Variants in GPA33 observed in about 807,000 individuals in gnomAD.
GPA33 encodes the protein cell surface A33 antigen.
Under a neutral mutation model 35.6 loss-of-function variants are expected in GPA33, and 27 were observed. That is an observed-to-expected ratio of 0.76 (90% CI 0.56 to 1.04). The LOEUF is 1.04. GPA33 is among the 50% of genes least tolerant of loss of function. GPA33 has a pLI of 0.00. For missense variants in GPA33, 428 were observed against 411.9 expected (o/e 1.04, Z -0.34); for synonymous variants, 176 against 164.0 (o/e 1.07, Z -0.56).
chr1:167,085,706 C>A (rs866025858), intron 1 of GPA33, among the ~76,000 whole-genome samples: 2 of 152,196 alleles, frequency 1.3e-5, no homozygotes, highest in South Asian at 2.1e-4. Context: ...GAATGCATAC[C>A]ATTGAGCCCC....
At chr1:167,056,918 T>A (rs1199979084) in intron 4 of GPA33, among the ~76,000 whole-genome samples, 18 of 130,028 alleles carry the variant, frequency 1.4e-4, no homozygotes, top group South Asian at 2.6e-4. Flanking sequence ...GTGGTGTGTG[T>A]GGTGTGTACT....
chr1:167,080,285 G>A (rs1254945197), intron 1 of GPA33, among the ~76,000 whole-genome samples: 1 of 152,172 alleles, frequency 6.6e-6, no homozygotes, highest in African/African-American at 2.4e-5. Context: ...AACTAATAAT[G>A]TATCAATGTG....
intron 4 of GPA33, among the ~76,000 whole-genome samples, chr1:167,060,466 A>G (rs1666413911): frequency 6.6e-6 from 1 of 152,230 alleles, no homozygotes; most frequent in African/African-American, 2.4e-5. Flanking sequence ...TCCAGATGCC[A>G]GGGCATGTTG....
At chr1:167,083,500 C>G (rs1666993726) in intron 1 of GPA33, among the ~76,000 whole-genome samples, 1 of 152,180 alleles carries the variant, frequency 6.6e-6, no homozygotes, top group African/African-American at 2.4e-5. Context: ...GGCACTATGC[C>G]AGACTCTGGG....
At chr1:167,062,170 T>C (rs1666468091) in intron 4 of GPA33, among the ~76,000 whole-genome samples, 1 of 151,720 alleles carries the variant, frequency 6.6e-6, no homozygotes, top group South Asian at 2.1e-4. Context: ...AAAAATATTT[T>C]ATTTATTTTA....
At chr1:167,055,925 C>A in intron 4 of GPA33, 76 bp from the exon 5 acceptor site, 1 of 1,505,128 alleles carries the variant, frequency 6.6e-7, no homozygotes, top group South Asian at 1.1e-5. Context: ...GAGGTCTGGA[C>A]TCCTTGGGAA....
intron 4 of GPA33, among the ~76,000 whole-genome samples, chr1:167,062,968 C>G (rs1469375434): frequency 6.6e-6 from 1 of 152,182 alleles, no homozygotes; most frequent in Non-Finnish European, 1.5e-5. Flanking sequence ...AATTAAAATC[C>G]TACCCATGCT....
intron 3 of GPA33, among the ~76,000 whole-genome samples, chr1:167,068,569 A>G (rs1286192768): frequency 2.0e-5 from 3 of 152,224 alleles, no homozygotes; most frequent in Admixed American, 6.5e-5. Context: ...TGAGCACCCA[A>G]TTAAGGCACA....
intron 3 of GPA33, 98 bp downstream of exon 3, chr1:167,068,824 G>T: frequency 1.2e-6 from 1 of 825,630 alleles, no homozygotes; most frequent in Non-Finnish European, 2.0e-6. Context: ...GCTCCTTGTT[G>T]CTGCCTCTGG....
chr1:167,080,710 T>G (rs2102200054), intron 1 of GPA33, among the ~76,000 whole-genome samples: 1 of 152,346 alleles, frequency 6.6e-6, no homozygotes, highest in East Asian at 1.9e-4. Flanking sequence ...AAAGTGCATA[T>G]CCTTTACCCT....
intron 1 of GPA33, among the ~76,000 whole-genome samples, chr1:167,075,854 G>T (rs115825699): frequency 6.6e-6 from 1 of 152,230 alleles, no homozygotes; most frequent in Non-Finnish European, 1.5e-5. Context: ...GAGACAGGAA[G>T]AGAACCAAGA....
chr1:167,061,735 T>C (rs1179469705), intron 4 of GPA33, among the ~76,000 whole-genome samples: 1 of 152,040 alleles, frequency 6.6e-6, no homozygotes, highest in Non-Finnish European at 1.5e-5. Context: ...CCGGAGTAGC[T>C]GGGACTACAG....
Position 167,053,845 on chromosome 1 carries a change from G to GC in GPA33, c.*488dup, listed in dbSNP as rs35471899. 58,534 of 155,020 alleles carry GC rather than the reference G, an allele frequency of 0.38. 12,022 individuals carry two copies. Among genetic ancestry groups the GC allele is most frequent in the South Asian group, 0.57 (2,869 of 5,028 alleles). 9.6% of individuals were successfully genotyped at this position (155,020 alleles called of 1,614,324 possible). On this transcript the variant is annotated 3_prime_UTR_variant, in exon 7 of 7. Transcript: ENST00000367868. ...GAGCTGGAGGCCAGGCCAATGCAGG[G>GC]CCCAAGCATACTCACTTATTCTTTC...
At chr1:167,065,075 G>T (rs530120069) in intron 3 of GPA33, among the ~76,000 whole-genome samples, 2 of 152,196 alleles carry the variant, frequency 1.3e-5, no homozygotes, top group Non-Finnish European at 1.5e-5. Context: ...GTGGAGCTGG[G>T]TTCATTCTAC....
chr1:167,062,026 ATCT>A (rs1307830170), intron 4 of GPA33, among the ~76,000 whole-genome samples: 2 of 151,718 alleles, frequency 1.3e-5, no homozygotes, highest in Non-Finnish European at 2.9e-5. Flanking sequence ...GGGGCACCTC[ATCT>A]TCTCAGAAGA....
In GPA33 at chr1:167,054,428, C is replaced by T; in HGVS notation, c.866G>A (p.Arg289Lys). 1 of 1,614,160 alleles carries T rather than the reference C, an allele frequency of 6.2e-7. No homozygotes were observed. Among genetic ancestry groups the T allele is most frequent in the Non-Finnish European group, 8.5e-7 (1 of 1,180,016 alleles). ...CTCCTCCCTCTCTCTGGAAAGTTCT[C>T]TTAGCTGCTCTGGTGGCTCCTCATA... ...EAYEEPPEQL[R>K]ELSREREEED... Residue 289 changes from arginine to lysine, a missense_variant, in exon 7 of 7, where the codon AGA (arginine) becomes AAA (lysine). Arg to Lys is a conservative substitution (Grantham distance 26, BLOSUM62 2). Coordinates refer to ENST00000367868, the MANE Select transcript of GPA33 (RefSeq NM_005814.3).
intron 5 of GPA33, 73 bp from the exon 6 acceptor site, chr1:167,055,184 C>A: frequency 7.0e-7 from 1 of 1,438,068 alleles, no homozygotes. Context: ...GCCAGGGGAG[C>A]AGCAGCTACC....
chr1:167,088,703 G>A (rs141469044), intron 1 of GPA33, among the ~76,000 whole-genome samples: 1 of 152,326 alleles, frequency 6.6e-6, no homozygotes, highest in African/African-American at 2.4e-5. Context: ...CTTGTTTTAA[G>A]ATCGTTTTTC....
chr1:167,063,459 G>C (rs1666510697), intron 4 of GPA33, 123 bp downstream of exon 4: 2 of 761,062 alleles, frequency 2.6e-6, no homozygotes, highest in Non-Finnish European at 4.3e-6. Flanking sequence ...GATAGGGATG[G>C]GTAGGGAAGC....
Sources: gnomAD v4.1 joint callset for allele counts (sites outside exome capture counted in the v4.1 genomes callset) on GRCh38, gnomAD v4.1.1 for gene constraint, MANE v1.5 for transcripts, NCBI Gene and HGNC (gene_info 2026-07-23, HGNC 2026-07-21) for gene names.